REEP1: variants seen among roughly 807,000 people sequenced by gnomAD.
The protein encoded by REEP1 is receptor expression-enhancing protein 1.
REEP1 carries 22 observed loss-of-function variants against 40.3 expected under a neutral mutation model. The ratio of observed to expected loss-of-function variants is 0.55; its 90% CI spans 0.39 to 0.78. REEP1 has a LOEUF of 0.78. Among genes scored for constraint, REEP1 ranks in the 30% least tolerant of loss-of-function variants. REEP1 has a pLI of 0.00. For synonymous variants in REEP1, 116 were observed against 139.2 expected, an observed-to-expected ratio of 0.83 and a Z score of 1.17; for missense variants, 280 against 361.1, an observed-to-expected ratio of 0.78 and a Z score of 1.82.
chr2:86,230,975 G>A (rs1220978632), intron 6 of REEP1, among the ~76,000 whole-genome samples: 2 of 152,180 alleles, frequency 1.3e-5, no homozygotes, highest in African/African-American at 4.8e-5. Context: ...ACTTAACTCT[G>A]TTTTGTATCC....
intron 4 of REEP1, among the ~76,000 whole-genome samples, chr2:86,253,110 C>T (rs539157271): frequency 6.6e-6 from 1 of 152,250 alleles, no homozygotes; most frequent in African/African-American, 2.4e-5. Flanking sequence ...GGTAAAACCC[C>T]ATCTCCTCTA....
intron 5 of REEP1, among the ~76,000 whole-genome samples, chr2:86,245,714 C>T (rs905369149): frequency 1.3e-5 from 2 of 151,906 alleles, no homozygotes; most frequent in African/African-American, 4.8e-5. Flanking sequence ...CGCCACCGGA[C>T]TTCAGCTACC....
At chr2:86,310,316 G>C (rs905936934) in intron 1 of REEP1, among the ~76,000 whole-genome samples, 2 of 152,104 alleles carry the variant, frequency 1.3e-5, no homozygotes, top group African/African-American at 4.8e-5. Flanking sequence ...CATTTTTACT[G>C]TATGTCTTCT....
In REEP1 at chr2:86,217,684, T is replaced by TTTC. The variant is rs1553456158; in HGVS notation, c.784-575_784-574insGAA. Reference sequence around the variant, plus strand: ...ATTTCAGATTTTTTTTTTTTTTTTTTCAGATTTTGGGATGTTTGCATATAC... The same window carrying TTTC: ...ATTTCAGATTTTTTTTTTTTTTTTTTTTCCAGATTTTGGGATGTTTGCATATAC... On this transcript the variant is annotated intron_variant, in intron 8 of 8. Transcript: ENST00000538924. 2.1e-3 allele frequency among the ~76,000 whole-genome samples: 264 copies of TTTC among 127,858 alleles called. 6 individuals carry two copies. The highest frequency in any genetic ancestry group is 4.4e-3 in the Admixed American group (52 of 11,786). 83.9% of individuals were successfully genotyped at this position (127,858 alleles called of 152,430 possible). A position where few individuals can be genotyped will look rare whatever the true frequency, so the allele number is the denominator to read the frequency against.
chr2:86,305,425 C>A (rs2104468387), intron 1 of REEP1, among the ~76,000 whole-genome samples: 1 of 152,360 alleles, frequency 6.6e-6, no homozygotes, highest in East Asian at 1.9e-4. Context: ...CACATCAGCC[C>A]AGCTGCTCTC....
rs1681099654 is a variant in REEP1, at chr2:86,337,400, C to A, written c.32+79G>T. Reference sequence around the variant, plus strand: ...AATAGCCCGAGCCACTGGGACCGGGCGCTGTAGGGGCGCGCGCAGCCCGGG... The same window carrying A: ...AATAGCCCGAGCCACTGGGACCGGGAGCTGTAGGGGCGCGCGCAGCCCGGG... On this transcript the variant is annotated intron_variant, in intron 1 of 8. Transcript: ENST00000538924. The surrounding 1 kb of genome is among the most constrained non-coding windows in gnomAD (Gnocchi z 5.8). 1.0e-5 allele frequency: 10 copies of A among 987,716 alleles called. No homozygotes were observed. The highest frequency in any genetic ancestry group is 1.0e-5 in the Non-Finnish European group (8 of 776,002). 61.2% of individuals were successfully genotyped at this position (987,716 alleles called of 1,614,324 possible). A position where few individuals can be genotyped will look rare whatever the true frequency, so the allele number is the denominator to read the frequency against.
intron 6 of REEP1, 72 bp downstream of exon 6, chr2:86,232,553 T>C: frequency 6.4e-7 from 1 of 1,560,472 alleles, no homozygotes; most frequent in Non-Finnish European, 8.7e-7. Flanking sequence ...CATGCCACAC[T>C]GCGGACTGGG....
rs144808642 is a variant in REEP1, at chr2:86,273,502, C to A, written c.105+8668G>T. On this transcript the variant is annotated intron_variant, in intron 2 of 8. Coordinates refer to ENST00000538924, the MANE Select transcript of REEP1 (RefSeq NM_001371279.1). ...GGTCTCACCATGTTGCCCAGGCTGG[C>A]CTTGAACTCTTGAGCTCAAGCAATC... Among the ~76,000 whole-genome samples, 583 of 151,946 alleles carry A rather than the reference C, an allele frequency of 3.8e-3. 4 individuals carry two copies. Among genetic ancestry groups the A allele is most frequent in the African/African-American group, 0.013 (550 of 41,432 alleles).
intron 3 of REEP1, 184 bp from the exon 4 acceptor site, chr2:86,254,998 C>T: frequency 3.5e-6 from 2 of 574,558 alleles, no homozygotes; most frequent in Non-Finnish European, 6.1e-6. Context: ...CAGTACAACC[C>T]CAACGCCTCT....
intron 1 of REEP1, among the ~76,000 whole-genome samples, chr2:86,297,043 G>T (rs967739983): frequency 6.6e-6 from 1 of 152,184 alleles, no homozygotes; most frequent in Non-Finnish European, 1.5e-5. Flanking sequence ...CGTTGTGCAC[G>T]TCAGGCATGC....
intron 1 of REEP1, among the ~76,000 whole-genome samples, chr2:86,319,875 A>G (rs1230641680): frequency 1.3e-5 from 2 of 152,218 alleles, no homozygotes; most frequent in Non-Finnish European, 2.9e-5. Context: ...GGCAGAGATT[A>G]AAGTGACGCA....
At chr2:86,227,472 G>A in intron 6 of REEP1, 74 bp from the exon 7 acceptor site, 1 of 1,191,480 alleles carries the variant, frequency 8.4e-7, no homozygotes, top group Non-Finnish European at 1.1e-6. Context: ...CAAACAGGGA[G>A]GCCCTGGAGA....
chr2:86,251,866 C>T (rs1312421795), intron 5 of REEP1, 91 bp downstream of exon 5: 2 of 907,058 alleles, frequency 2.2e-6, no homozygotes, highest in Admixed American at 3.4e-5. Flanking sequence ...CTGATTGGTC[C>T]TTAGCCTGTT....
chr2:86,303,327 G>A (rs1226348763), intron 1 of REEP1, among the ~76,000 whole-genome samples: 4 of 146,042 alleles, frequency 2.7e-5, no homozygotes, highest in Non-Finnish European at 5.9e-5. Context: ...AGTGATTCTC[G>A]TGCCTCAGGC....
At chr2:86,295,585 T>C (rs1420309005) in intron 1 of REEP1, among the ~76,000 whole-genome samples, 2 of 152,352 alleles carry the variant, frequency 1.3e-5, no homozygotes, top group South Asian at 2.1e-4. Context: ...AGTGCTTCGG[T>C]GTGATCTCCA....
chr2:86,249,125 G>C (rs1676131534), intron 5 of REEP1, among the ~76,000 whole-genome samples: 1 of 152,172 alleles, frequency 6.6e-6, no homozygotes, highest in African/African-American at 2.4e-5. Context: ...CAGGCATGGT[G>C]GCAGGCGCCT....
chr2:86,287,069 T>C (rs1319843051), intron 1 of REEP1, among the ~76,000 whole-genome samples: 1 of 152,184 alleles, frequency 6.6e-6, no homozygotes, highest in South Asian at 2.1e-4. Context: ...GACAAATATA[T>C]ATAAAACTGT....
chr2:86,228,743 T>C (rs56112603), intron 6 of REEP1, among the ~76,000 whole-genome samples: 22,601 of 152,024 alleles, frequency 0.15, 2,581 homozygotes, highest in African/African-American at 0.31. Context: ...CAGGCGTGAG[T>C]CACCGCGCCT....
chr2:86,224,323 A>G (rs1674580017), intron 7 of REEP1, among the ~76,000 whole-genome samples: 1 of 152,188 alleles, frequency 6.6e-6, no homozygotes, highest in African/African-American at 2.4e-5. Context: ...ACAACTGTGA[A>G]ATCCTCTTAC....
Sources: allele counts gnomAD v4.1 joint callset (sites outside exome capture counted in the v4.1 genomes callset), GRCh38; gene constraint gnomAD v4.1.1; non-coding constraint Gnocchi (gnomAD v3.1); transcripts MANE v1.5; gene names NCBI Gene and HGNC (gene_info 2026-07-23, HGNC 2026-07-21).